The following GPAT2 variants were observed in gnomAD, a reference collection of about 807,000 sequenced individuals.
The protein encoded by GPAT2 is glycerol-3-phosphate acyltransferase 2, mitochondrial, also known as 1-acylglycerol-3-phosphate O-acyltransferase GPAT2.
A neutral mutation model predicts 71.0 loss-of-function variants in GPAT2; 51 were observed. That is an observed-to-expected ratio of 0.72 (90% confidence interval 0.57 to 0.91). The LOEUF (loss-of-function observed/expected upper bound fraction) is 0.91. Ranked by LOEUF, GPAT2 falls within the 40% of genes least tolerant of loss-of-function variation. The pLI is 0.00. For synonymous variants in GPAT2, 222 were observed against 290.3 expected, an observed-to-expected ratio of 0.76 and a Z score of 2.39; for missense variants, 511 against 666.0, an observed-to-expected ratio of 0.77 and a Z score of 2.56.
intron 11 of GPAT2, 33 bp from the exon 12 acceptor site, chr2:96,026,045 C>T (rs543839734): frequency 3.4e-5 from 55 of 1,610,002 alleles, no homozygotes; most frequent in South Asian, 5.5e-5. Context: ...GTGGCCTGCT[C>T]GGGCCCACCA....
Position 96,022,021 on chromosome 2 carries a change from T to G in GPAT2, c.*138A>C. 1 of 1,465,716 alleles carries G rather than the reference T, an allele frequency of 6.8e-7. No individual in the cohort carries two copies. Among genetic ancestry groups the G allele is most frequent in the Non-Finnish European group, 9.0e-7 (1 of 1,105,894 alleles). 90.8% of individuals were successfully genotyped at this position (1,465,716 alleles called of 1,614,324 possible). ...ATCAAAGAAGGGAAAAAGCAAGAGA[T>G]GGCAAGGGACAATCAAGCCTCAATG... is the stretch of plus-strand genomic sequence containing the variant. On this transcript the variant is annotated 3_prime_UTR_variant, in exon 22 of 22. Transcript: ENST00000434632.
chr2:96,031,901 C>T, intron 3 of GPAT2, 132 bp downstream of exon 3: 1 of 1,040,310 alleles, frequency 9.6e-7, no homozygotes, highest in South Asian at 1.6e-5. Context: ...CATCCATTCC[C>T]CTGAAAGACA....
intron 17 of GPAT2, 156 bp downstream of exon 17, chr2:96,023,767 G>T: frequency 7.4e-7 from 1 of 1,350,324 alleles, no homozygotes; most frequent in South Asian, 1.5e-5. Context: ...GGGAGCAGAG[G>T]TGCGAGCTAG....
rs745910315 is a variant in GPAT2, at chr2:96,022,703, C to A, written c.2254G>T (p.Ala752Ser). Residue 752 changes from alanine (A) to serine (S), a missense_variant, in exon 21 of 22, where the codon GCC becomes TCC. Physicochemically the swap from Ala to Ser is moderately conservative, Grantham distance 99. Around this residue, in one of 7 missense-constraint regions of GPAT2, gnomAD observed 108 missense variants for 117.6 expected, o/e 0.92. Coordinates refer to ENST00000434632, the MANE Select transcript of GPAT2 (RefSeq NM_001321527.2). ...GIFECADPKL[A>S]ISAVWTFRDL... ...CTGAAGGTCCAGACAGCACTGATGG[C>A]GAGCTTTGGGTCCGCACACTCTGGA... 6.2e-7 allele frequency: 1 copy of A among 1,613,796 alleles called. No homozygotes were observed.
At chr2:96,026,089 A>G (rs957203339) in intron 11 of GPAT2, 77 bp from the exon 12 acceptor site, 311 of 1,587,612 alleles carry the variant, frequency 2.0e-4, no homozygotes, top group Non-Finnish European at 2.4e-4. Context: ...GAAGTAGGCA[A>G]AGCTATCCCT....
chr2:96,023,785 C>T (rs567922373), intron 17 of GPAT2, 138 bp downstream of exon 17: 165 of 1,451,030 alleles, frequency 1.1e-4, no homozygotes, highest in Non-Finnish European at 1.4e-4. Flanking sequence ...TAGGCTTCCC[C>T]GCTGCAAGGC....
rs113878728 is a variant in GPAT2, at chr2:96,024,315, C to A, written c.1710G>T (p.Leu570=). 2 of 1,570,926 alleles carry A rather than the reference C, an allele frequency of 1.3e-6. No homozygotes were observed. Among genetic ancestry groups the A allele is most frequent in the Non-Finnish European group, 1.7e-6 (2 of 1,156,646 alleles). ...AVGACAVRGL[L]AGRVPPQGPW... ...GCCCCTGGGGCGGCACTCTGCCTGCCAGCAGCCCCCGCACTGCACAGGCTG... is the reference window on the plus strand; with the variant it reads ...GCCCCTGGGGCGGCACTCTGCCTGCAAGCAGCCCCCGCACTGCACAGGCTG... The change falls in exon 16 of 22, where the codon CTG becomes CTT. Residue 570 remains leucine, a synonymous_variant. Transcript: ENST00000434632.
In GPAT2 at chr2:96,025,913, C is replaced by A; in HGVS notation, c.1238+17G>T. ...GCTTGCCTTGCCCCCTGAGACCCCA[C>A]GCTCCTGTGCCCCTACCATTGGCCC... On this transcript the variant is annotated intron_variant, in intron 12 of 21. Coordinates refer to ENST00000434632, the MANE Select transcript of GPAT2 (RefSeq NM_001321527.2). 6.2e-7 allele frequency: 1 copy of A among 1,610,876 alleles called. No homozygotes were observed. The highest frequency in any genetic ancestry group is 1.1e-5 in the South Asian group (1 of 90,964).
Position 96,024,690 on chromosome 2 carries a change from G to T in GPAT2, c.1429-5C>A. ...GAGCTGCGACAGGAACACACCCTGG[G>T]TGGGCAGAGCAGGGCTAGGCAGCAG... is the stretch of plus-strand genomic sequence containing the variant. On this transcript the variant is annotated splice_region_variant and splice_polypyrimidine_tract_variant and intron_variant, in intron 14 of 21. Coordinates refer to ENST00000434632, the MANE Select transcript of GPAT2 (RefSeq NM_001321527.2). The T allele has an allele frequency of 6.2e-7, 1 of 1,613,774 alleles. No homozygotes were observed. Among genetic ancestry groups the T allele is most frequent in the Middle Eastern group, 1.6e-4 (1 of 6,062 alleles).
At position 96,024,641 on chromosome 2, in the gene GPAT2, CG is replaced by C; in HGVS notation, c.1472del (p.Thr491ArgfsTer11). 6.2e-7 allele frequency: 1 copy of C among 1,613,884 alleles called. No individual in the cohort carries two copies. Among genetic ancestry groups the C allele is most frequent in the Non-Finnish European group, 8.5e-7 (1 of 1,179,920 alleles). On this transcript the variant is annotated frameshift_variant, in exon 15 of 22. Coordinates refer to ENST00000434632, the MANE Select transcript of GPAT2 (RefSeq NM_001321527.2). LOFTEE classifies it high-confidence loss of function. Reference protein sequence around the residue: ...SQLLGEFSWLTEEILLRGFDV... With the variant: ...SQLLGEFSWLXEEILLRGFDV... Reference sequence around the variant, plus strand: ...CAAAGCCACGCAACAGTATCTCCTCCGTCAGCCAGGAGAACTCCCCCAGGAG... The same window carrying C: ...CAAAGCCACGCAACAGTATCTCCTCCTCAGCCAGGAGAACTCCCCCAGGAG...
At position 96,024,570 on chromosome 2, in the gene GPAT2, A is replaced by G. The variant is rs1278834465; in HGVS notation, c.1544T>C (p.Leu515Pro). ...GGCCACGTGCGCCCGCAGCAGGCTC[A>G]GTGAGTGCTGCAGCAGGCTCCGCAG... is the stretch of plus-strand genomic sequence containing the variant. The part of the protein sequence containing the change: ...GQLRSLLQHS[L>P]SLLRAHVALL... Residue 515 changes from leucine (L) to proline (P), a missense_variant, in exon 15 of 22, where the codon CTG (leucine) becomes CCG (proline). Physicochemically the swap from Leu to Pro is moderately conservative, Grantham distance 98. This residue lies in a region of GPAT2 where 295 missense variants were observed against 305.5 expected (regional missense o/e 0.97). Coordinates refer to ENST00000434632, the MANE Select transcript of GPAT2 (RefSeq NM_001321527.2). The G allele has an allele frequency of 6.2e-7, 1 of 1,613,826 alleles. No individual in the cohort carries two copies. The highest frequency in any genetic ancestry group is 8.5e-7 in the Non-Finnish European group (1 of 1,179,902).
chr2:96,024,021 T>A, intron 16 of GPAT2, 21 bp from the exon 17 acceptor site: 1 of 1,575,048 alleles, frequency 6.3e-7, no homozygotes, highest in Non-Finnish European at 8.6e-7. Context: ...AAGGCACCCA[T>A]GTGGCCTCAG....
intron 13 of GPAT2, chr2:96,025,124 G>A (rs1680256090): frequency 1.7e-6 from 1 of 591,846 alleles, no homozygotes; most frequent in Non-Finnish European, 3.0e-6. Flanking sequence ...AGGGCCCTCT[G>A]TGGAGGCGCT....
At position 96,023,316 on chromosome 2, in the gene GPAT2, T is replaced by C. The variant is rs371617943; in HGVS notation, c.2039A>G (p.Tyr680Cys). 5.5e-5 allele frequency: 88 copies of C among 1,614,200 alleles called. No homozygotes were observed. Among genetic ancestry groups the C allele is most frequent in the Admixed American group, 1.7e-4 (10 of 60,016 alleles). Residue 680 changes from tyrosine to cysteine, a missense_variant, in exon 18 of 22, where the codon TAC (tyrosine) becomes TGC (cysteine). Physicochemically the swap from Tyr to Cys is radical, Grantham distance 194. Transcript: ENST00000434632. ...CAGCTTTTTGAAACACACCCTGAAG[T>C]ACCGGCCGTCAGCCTCTCCGAAGTC... ...SDDFGEADGR[Y>C]FRLSQQSHCP... is the part of the protein sequence containing the mutation.
chr2:96,023,753 C>T (rs1680010002), intron 17 of GPAT2, 170 bp downstream of exon 17: 1 of 1,247,884 alleles, frequency 8.0e-7, no homozygotes, highest in Non-Finnish European at 1.1e-6. Flanking sequence ...TATCCCAAGG[C>T]ACAGGGAGCA....
At position 96,024,129 on chromosome 2, in the gene GPAT2, C is replaced by T. The variant is rs1207262915; in HGVS notation, c.1836+60G>A. On this transcript the variant is annotated intron_variant, in intron 16 of 21. Transcript: ENST00000434632. Reference sequence around the variant, plus strand: ...GAGGTAGAGCATGGGCAGGGATGGGCCATTCCTACCACCAAGAGGGGAAGG... The same window carrying T: ...GAGGTAGAGCATGGGCAGGGATGGGTCATTCCTACCACCAAGAGGGGAAGG... 3.3e-6 allele frequency: 5 copies of T among 1,530,814 alleles called. No individual in the cohort carries two copies. The Admixed American group carries it at 6.3e-5, about 19-fold the overall frequency. The allele number at this position is 1,530,814 out of a possible 1,614,324, so 94.8% of individuals were successfully genotyped here.
chr2:96,023,396 C>T lies in GPAT2; in HGVS notation c.1959G>A (p.Leu653=), dbSNP rs1217508528. ...RPACDTGRQR[L]SRKLLWKPSG... The stretch of plus-strand genomic sequence containing the variant: ...TCGGTTTCCACAGCAGCTTTCTGCT[C>T]AATCGCTGTCGCCCTGTGTCACAGG... The change falls in exon 18 of 22, where the codon TTG becomes TTA. Residue 653 remains leucine, a synonymous_variant. Coordinates refer to ENST00000434632, the MANE Select transcript of GPAT2 (RefSeq NM_001321527.2). The T allele has an allele frequency of 1.2e-6, 2 of 1,614,034 alleles. No individual in the cohort carries two copies. Among genetic ancestry groups the T allele is most frequent in the East Asian group, 2.2e-5 (1 of 44,900 alleles).
chr2:96,032,495 AC>A, intron 1 of GPAT2, 76 bp from the exon 2 acceptor site: 4 of 931,166 alleles, frequency 4.3e-6, no homozygotes, highest in Non-Finnish European at 5.9e-6. Context: ...GGTAACTGCA[AC>A]CCCCCATCAC....
At chr2:96,024,931 A>G (rs1680228976) in intron 13 of GPAT2, 88 bp from the exon 14 acceptor site, 7 of 1,423,460 alleles carry the variant, frequency 4.9e-6, no homozygotes, top group Middle Eastern at 2.4e-4. Context: ...TCCTAGCCAC[A>G]CATCCCAACT....
Sources: allele counts gnomAD v4.1 joint callset, GRCh38; gene constraint gnomAD v4.1.1; regional missense constraint gnomAD v4.1.1; transcripts MANE v1.5; gene names NCBI Gene and HGNC (gene_info 2026-07-23, HGNC 2026-07-21).